The following CNNM1 variants were observed in gnomAD, a reference collection of about 807,000 sequenced individuals.
CNNM1 encodes metal transporter CNNM1.
CNNM1 carries 44 observed loss-of-function variants against 78.8 expected under a neutral mutation model. The observed-to-expected ratio is 0.56, with a 90% confidence interval of 0.44 to 0.72. CNNM1 has a LOEUF of 0.72. Ranked by LOEUF, CNNM1 falls within the 30% of genes least tolerant of loss-of-function variation. The probability of loss-of-function intolerance (pLI) is 0.00; values close to 1 mark genes in which losing one functional copy is unlikely to be tolerated. For synonymous variants in CNNM1, 584 were observed against 581.5 expected, an observed-to-expected ratio of 1.00 and a Z score of -0.06; for missense variants, 1,101 against 1,292.2, an observed-to-expected ratio of 0.85 and a Z score of 2.27.
chr10:99,390,656 A>G (rs1195041524), intron 10 of CNNM1, among the ~76,000 whole-genome samples: 1 of 151,962 alleles, frequency 6.6e-6, no homozygotes, highest in Non-Finnish European at 1.5e-5. Context: ...GTCAATTCTG[A>G]CCTCCCTCCT....
At chr10:99,340,902 C>CTGCCTGCCTGCCTGCCTGCCTGCT in intron 1 of CNNM1, among the ~76,000 whole-genome samples, 1 of 151,710 alleles carries the variant, frequency 6.6e-6, no homozygotes, top group Non-Finnish European at 1.5e-5. Context: ...GCCTGCCTGC[C>CTGCCTGCCTGCCTGCCTGCCTGCT]TGCCTGCCTG....
chr10:99,352,188 G>T (rs1292126367), intron 1 of CNNM1, among the ~76,000 whole-genome samples: 1 of 152,056 alleles, frequency 6.6e-6, no homozygotes, highest in African/African-American at 2.4e-5. Flanking sequence ...CTGTAGATTG[G>T]TCTATTCTGG....
chr10:99,390,460 G>A lies in CNNM1; in HGVS notation c.2776+53G>A, dbSNP rs2032441513. 3 of 1,292,856 alleles carry A rather than the reference G, an allele frequency of 2.3e-6. No homozygotes were observed. The Admixed American group carries it at 5.6e-5, about 24-fold the overall frequency. 80.1% of individuals were successfully genotyped at this position (1,292,856 alleles called of 1,614,324 possible). On this transcript the variant is annotated intron_variant, in intron 10 of 10. Transcript: ENST00000356713. Reference sequence around the variant, plus strand: ...AGAGCCACCCTGCTGATGGTTAGTAGGAAAAGCATGTTAGCATCTTCCTCT... The same window carrying A: ...AGAGCCACCCTGCTGATGGTTAGTAAGAAAAGCATGTTAGCATCTTCCTCT...
Position 99,388,284 on chromosome 10 carries a change from C to G in CNNM1, c.2657C>G (p.Ala886Gly), listed in dbSNP as rs769383625. 1 of 1,613,544 alleles carries G rather than the reference C, an allele frequency of 6.2e-7. No homozygotes were observed. Among genetic ancestry groups the G allele is most frequent in the African/African-American group, 1.3e-5 (1 of 74,944 alleles). The change falls in exon 9 of 11, where the codon GCC becomes GGC. Residue 886 changes from alanine (A) to glycine (G), a missense_variant. Ala to Gly is a moderately conservative substitution (Grantham distance 60). Transcript: ENST00000356713. Reference sequence around the variant, plus strand: ...CAGCAGCTCACGCTGTCTCCTGCAGCCGTTCCCACGAGAGCAGGTCAGGGA... The same window carrying G: ...CAGCAGCTCACGCTGTCTCCTGCAGGCGTTCCCACGAGAGCAGGTCAGGGA... ...STQQLTLSPA[A>G]VPTRAASDSE...
chr10:99,361,724 G>A (rs141279280), intron 3 of CNNM1, among the ~76,000 whole-genome samples: 1 of 152,266 alleles, frequency 6.6e-6, no homozygotes, highest in African/African-American at 2.4e-5. Flanking sequence ...AGCAATAGCT[G>A]TAATATATAA....
chr10:99,387,889 A>G lies in CNNM1; in HGVS notation c.2410A>G (p.Met804Val), dbSNP rs373413650. The G allele has an allele frequency of 1.2e-6, 2 of 1,613,592 alleles. No individual in the cohort carries two copies. The highest frequency in any genetic ancestry group is 1.7e-6 in the Non-Finnish European group (2 of 1,179,780). Reference protein sequence around the residue: ...HMDSSPQSPDMEAFTDGDSTK... With the variant: ...HMDSSPQSPDVEAFTDGDSTK... ...GGACAGCTCACCTCAGTCCCCTGAC[A>G]TGGAGGCCTTCACAGACGGGGACTC... Residue 804 changes from methionine to valine, a missense_variant, in exon 8 of 11, where the codon ATG becomes GTG. Physicochemically the swap from Met to Val is conservative, Grantham distance 21. This residue lies in a region of CNNM1 where 348 missense variants were observed against 384.5 expected (regional missense o/e 0.90). Coordinates refer to ENST00000356713, the MANE Select transcript of CNNM1 (RefSeq NM_020348.3).
In CNNM1 at chr10:99,329,440, G is replaced by T. The variant is rs1471828984; in HGVS notation, c.53G>T (p.Cys18Phe). Residue 18 changes from cysteine (C) to phenylalanine (F), a missense_variant, in exon 1 of 11, where the codon TGC (cysteine) becomes TTC (phenylalanine). By Grantham distance (205) the Cys-to-Phe change is radical. This residue lies in a region of CNNM1 where 476 missense variants were observed against 484.5 expected (regional missense o/e 0.98). Coordinates refer to ENST00000356713, the MANE Select transcript of CNNM1 (RefSeq NM_020348.3). ...GCGGTGGGTGTCAGGCTCCGGGACT[G>T]CTGCAGCCGAGGCGCTGTGCTCCTG... Reference protein sequence around the residue: ...AAAVGVRLRDCCSRGAVLLLF... With the variant: ...AAAVGVRLRDFCSRGAVLLLF... 13 of 1,260,636 alleles carry T rather than the reference G, an allele frequency of 1.0e-5. No homozygotes were observed. Among genetic ancestry groups the T allele is most frequent in the Non-Finnish European group, 1.4e-5 (13 of 922,382 alleles). The allele number at this position is 1,260,636 out of a possible 1,614,324, so 78.1% of individuals were successfully genotyped here.
chr10:99,353,642 A>G (rs1409527317), intron 1 of CNNM1, among the ~76,000 whole-genome samples: 1 of 152,080 alleles, frequency 6.6e-6, no homozygotes, highest in African/African-American at 2.4e-5. Context: ...TGACATGGAA[A>G]CAGCTGGTTT....
At chr10:99,347,670 C>T (rs962568699) in intron 1 of CNNM1, among the ~76,000 whole-genome samples, 2 of 151,270 alleles carry the variant, frequency 1.3e-5, no homozygotes, top group African/African-American at 4.9e-5. Flanking sequence ...CTTCCTGGCT[C>T]TATCACATTG....
At chr10:99,332,160 G>A (rs1215543069) in intron 1 of CNNM1, among the ~76,000 whole-genome samples, 2 of 152,150 alleles carry the variant, frequency 1.3e-5, no homozygotes, top group Admixed American at 6.5e-5. Flanking sequence ...AACACTGAGA[G>A]CATTCAAAAG....
At position 99,390,353 on chromosome 10, in the gene CNNM1, C is replaced by A; in HGVS notation, c.2722C>A (p.Pro908Thr). The A allele has an allele frequency of 6.2e-7, 1 of 1,613,306 alleles. No homozygotes were observed. Among genetic ancestry groups the A allele is most frequent in the Non-Finnish European group, 8.5e-7 (1 of 1,179,672 alleles). The change falls in exon 10 of 11, where the codon CCC becomes ACC. Residue 908 changes from proline to threonine, a missense_variant. This residue lies in a region of CNNM1 where 348 missense variants were observed against 384.5 expected (regional missense o/e 0.90). Transcript: ENST00000356713. Reference protein sequence around the residue: ...CNINLDTETSPCSSDFEENVG... With the variant: ...CNINLDTETSTCSSDFEENVG... ...CATCAACCTGGATACAGAGACCAGC[C>A]CCTGCAGTAGCGATTTTGAGGAAAA...
chr10:99,329,591 C>T lies in CNNM1; in HGVS notation c.204C>T (p.Thr68=). ...GCACCCTGCGCGCCGCCGAAGGCAC[C>T]AGCTTCCTCCTGCGTGTCTATTTCC... ...EGGTLRAAEG[T]SFLLRVYFQP... is the part of the protein sequence containing the mutation. Residue 68 remains threonine, a synonymous_variant, in exon 1 of 11, where the codon ACC becomes ACT. Coordinates refer to ENST00000356713, the MANE Select transcript of CNNM1 (RefSeq NM_020348.3). 1 of 1,521,416 alleles carries T rather than the reference C, an allele frequency of 6.6e-7. No homozygotes were observed. Among genetic ancestry groups the T allele is most frequent in the Non-Finnish European group, 8.7e-7 (1 of 1,144,288 alleles). The allele number at this position is 1,521,416 out of a possible 1,614,324, so 94.2% of individuals were successfully genotyped here. A position where few individuals can be genotyped will look rare whatever the true frequency, so the allele number is the denominator to read the frequency against.
At chr10:99,380,563 G>T (rs2032111383) in intron 7 of CNNM1, among the ~76,000 whole-genome samples, 1 of 152,076 alleles carries the variant, frequency 6.6e-6, no homozygotes, top group South Asian at 2.1e-4. Context: ...GGCCAAGATG[G>T]GTGTATCACC....
intron 1 of CNNM1, among the ~76,000 whole-genome samples, chr10:99,356,592 G>GAAAAGA (rs753924928): frequency 1.6e-5 from 2 of 124,280 alleles, no homozygotes; most frequent in African/African-American, 3.4e-5. Flanking sequence ...AAGAAAGAAA[G>GAAAAGA]AAAGAAAGAA....
At position 99,372,931 on chromosome 10, in the gene CNNM1, A is replaced by C. The variant is rs537318945; in HGVS notation, c.2177-4124A>C. Among the ~76,000 whole-genome samples the C allele has an allele frequency of 3.9e-5, 6 of 152,292 alleles. No homozygotes were observed. The South Asian group carries it at 8.3e-4, about 21-fold the overall frequency. Reference sequence around the variant, plus strand: ...GTTGGGAATCCTTTATGATTTTATAAATAAACTTTCAATAACATTGTTTTT... The same window carrying C: ...GTTGGGAATCCTTTATGATTTTATACATAAACTTTCAATAACATTGTTTTT... On this transcript the variant is annotated intron_variant, in intron 6 of 10. Transcript: ENST00000356713.
intron 6 of CNNM1, among the ~76,000 whole-genome samples, chr10:99,369,224 G>A (rs138972945): frequency 9.2e-5 from 14 of 152,170 alleles, no homozygotes; most frequent in African/African-American, 3.4e-4. Context: ...TTTTTAATCG[G>A]GTAACAATTC....
chr10:99,360,914 G>A lies in CNNM1; in HGVS notation c.1797G>A (p.Thr599=), dbSNP rs61735150. The A allele has an allele frequency of 1.0e-3, 1,628 of 1,613,098 alleles. 23 individuals are homozygous for A. The African/African-American group carries it at 0.02, about 20-fold the overall frequency. The change falls in exon 3 of 11, where the codon ACG becomes ACA. Residue 599 remains threonine, a synonymous_variant. Transcript: ENST00000356713. ...TCTCCTTGTTTAAGCTTTCGGACAC[G>A]GAGATGCGGGTGAAGATCTCACCAC... is the stretch of plus-strand genomic sequence containing the variant. The part of the protein sequence containing the change: ...HDFSLFKLSD[T]EMRVKISPQL...
intron 7 of CNNM1, among the ~76,000 whole-genome samples, chr10:99,383,172 T>TA (rs1299134750): frequency 6.6e-6 from 1 of 152,174 alleles, no homozygotes; most frequent in Non-Finnish European, 1.5e-5. Context: ...TAAGACCAGT[T>TA]AGAGAGAGGA....
chr10:99,393,662 A>ATT lies in CNNM1; in HGVS notation c.*2146_*2147insTT, dbSNP rs1445251100. On this transcript the variant is annotated 3_prime_UTR_variant, in exon 11 of 11. Transcript: ENST00000356713. ...TCAAATGTCCATCAATTGATGGGGA[A>ATT]GGCTGGCACCCACCAAGAAGTGGAA... 2 of 152,320 alleles carry ATT rather than the reference A, an allele frequency of 1.3e-5. No homozygotes were observed. The highest frequency in any genetic ancestry group is 2.4e-5 in the African/African-American group (1 of 41,396). 9.4% of individuals were successfully genotyped at this position (152,320 alleles called of 1,614,324 possible). A position where few individuals can be genotyped will look rare whatever the true frequency, so the allele number is the denominator to read the frequency against.
Sources: gnomAD v4.1 joint callset for allele counts (sites outside exome capture counted in the v4.1 genomes callset) on GRCh38, gnomAD v4.1.1 for gene constraint, gnomAD v4.1.1 regional missense constraint, MANE v1.5 for transcripts, NCBI Gene and HGNC (gene_info 2026-07-23, HGNC 2026-07-21) for gene names.